The following CTDSPL variants were observed in gnomAD, a reference collection of about 807,000 sequenced individuals.
The protein encoded by CTDSPL is CTD small phosphatase like.
Under a neutral mutation model 30.5 loss-of-function variants are expected in CTDSPL, and 8 were observed. The ratio of observed to expected loss-of-function variants is 0.26; its 90% confidence interval spans 0.15 to 0.47. CTDSPL has a LOEUF of 0.47. Ranked by LOEUF, CTDSPL falls within the 20% of genes least tolerant of loss-of-function variation. CTDSPL has a pLI of 0.99. For synonymous variants in CTDSPL, 110 were observed against 137.9 expected (o/e 0.80, Z 1.42); for missense variants, 248 against 366.1 (o/e 0.68, Z 2.63).
intron 1 of CTDSPL, among the ~76,000 whole-genome samples, chr3:37,900,600 A>G (rs941052463): frequency 6.6e-6 from 1 of 152,210 alleles, no homozygotes; most frequent in African/African-American, 2.4e-5. Context: ...TAAGTCATCC[A>G]TAATATTGTT....
rs1187755878 is a variant in CTDSPL, at chr3:37,982,032, T to G, written c.*1165T>G. ...CACCACCTGTAACCCCTTCCTGGCATTGGCCACTGAAGGGTACAAAGGCAA... is the reference window on the plus strand; with the variant it reads ...CACCACCTGTAACCCCTTCCTGGCAGTGGCCACTGAAGGGTACAAAGGCAA... On this transcript the variant is annotated 3_prime_UTR_variant, in exon 8 of 8. Coordinates refer to ENST00000273179, the MANE Select transcript of CTDSPL (RefSeq NM_001008392.2). 2.6e-6 allele frequency: 1 copy of G among 391,330 alleles called. No individual in the cohort carries two copies. Among genetic ancestry groups the G allele is most frequent in the African/African-American group, 2.1e-5 (1 of 48,022 alleles). The allele number at this position is 391,330 out of a possible 1,614,324, so 24.2% of individuals were successfully genotyped here.
intron 2 of CTDSPL, chr3:37,954,789 G>A (rs1009214755): frequency 6.6e-6 from 1 of 152,292 alleles, no homozygotes; most frequent in African/African-American, 2.4e-5. Context: ...GCTGGGAGGA[G>A]TCAGCACCCC....
chr3:37,982,229 A>G lies in CTDSPL; in HGVS notation c.*1362A>G, dbSNP rs1699500515. 3.2e-6 allele frequency: 1 copy of G among 315,204 alleles called. No individual in the cohort carries two copies. Among genetic ancestry groups the G allele is most frequent in the Non-Finnish European group, 6.3e-6 (1 of 159,648 alleles). The allele number at this position is 315,204 out of a possible 1,614,324, so 19.5% of individuals were successfully genotyped here. A position where few individuals can be genotyped will look rare whatever the true frequency, so the allele number is the denominator to read the frequency against. ...GGTCTTCTCCTTTGAAGCACAGCCTATTTCTGAGCCAAGGGTTGGGGAAGC... is the reference window on the plus strand; with the variant it reads ...GGTCTTCTCCTTTGAAGCACAGCCTGTTTCTGAGCCAAGGGTTGGGGAAGC... On this transcript the variant is annotated 3_prime_UTR_variant, in exon 8 of 8. Coordinates refer to ENST00000273179, the MANE Select transcript of CTDSPL (RefSeq NM_001008392.2).
chr3:37,863,822 C>G (rs1438772961), intron 1 of CTDSPL, among the ~76,000 whole-genome samples: 1 of 152,218 alleles, frequency 6.6e-6, no homozygotes, highest in Admixed American at 6.5e-5. Flanking sequence ...AACCTGTTTG[C>G]AGTTTCGTAG....
rs74514170 is a variant in CTDSPL, at chr3:37,902,480, A to T, written c.79+40202A>T. On this transcript the variant is annotated intron_variant, in intron 1 of 7. Coordinates refer to ENST00000273179, the MANE Select transcript of CTDSPL (RefSeq NM_001008392.2). ...TTCCCAGCAGGCCTGTGGGCACCTCATTGTTCAGGATGTGCCAGGAGTCTT... is the reference window on the plus strand; with the variant it reads ...TTCCCAGCAGGCCTGTGGGCACCTCTTTGTTCAGGATGTGCCAGGAGTCTT... 8.5e-3 allele frequency among the ~76,000 whole-genome samples: 1,299 copies of T among 152,130 alleles called. 14 individuals carry two copies. Among genetic ancestry groups the T allele is most frequent in the Non-Finnish European group, 0.012 (818 of 67,966 alleles).
At chr3:37,934,163 A>G (rs913892232) in intron 1 of CTDSPL, among the ~76,000 whole-genome samples, 2 of 152,096 alleles carry the variant, frequency 1.3e-5, no homozygotes, top group Non-Finnish European at 2.9e-5. Flanking sequence ...CTCTACAAAA[A>G]AAAAATTCAA....
intron 1 of CTDSPL, among the ~76,000 whole-genome samples, chr3:37,908,406 A>G (rs1698542131): frequency 6.6e-6 from 1 of 152,048 alleles, no homozygotes. Flanking sequence ...TATCTCAATT[A>G]TTCTTTCCTA....
At chr3:37,873,598 G>C (rs143415466) in intron 1 of CTDSPL, among the ~76,000 whole-genome samples, 88 of 152,276 alleles carry the variant, frequency 5.8e-4, no homozygotes, top group African/African-American at 2.0e-3. Context: ...TGGCAAACAG[G>C]AAGACGTATG....
chr3:37,889,481 TA>T (rs557649882), intron 1 of CTDSPL, among the ~76,000 whole-genome samples: 147 of 151,358 alleles, frequency 9.7e-4, no homozygotes, highest in African/African-American at 3.4e-3. Flanking sequence ...AGACAGAAAA[TA>T]GGGGAGAAAC....
chr3:37,875,770 T>C (rs1175000238), intron 1 of CTDSPL, among the ~76,000 whole-genome samples: 2 of 152,228 alleles, frequency 1.3e-5, no homozygotes, highest in African/African-American at 4.8e-5. Flanking sequence ...GCTGAACATA[T>C]TCATTTTTGT....
Position 37,862,116 on chromosome 3 carries a change from C to A in CTDSPL, c.-84C>A. 2.0e-6 allele frequency: 1 copy of A among 501,376 alleles called. No homozygotes were observed. Among genetic ancestry groups the A allele is most frequent in the Non-Finnish European group, 2.5e-6 (1 of 393,528 alleles). 31.1% of individuals were successfully genotyped at this position (501,376 alleles called of 1,614,324 possible). Reference sequence around the variant, plus strand: ...CGGCTGCGAGCGCCCCCCCGCGCCGCGCCCCCGCGCCCCCCGCGCCGCGCC... The same window carrying A: ...CGGCTGCGAGCGCCCCCCCGCGCCGAGCCCCCGCGCCCCCCGCGCCGCGCC... On this transcript the variant is annotated 5_prime_UTR_variant, in exon 1 of 8. Coordinates refer to ENST00000273179, the MANE Select transcript of CTDSPL (RefSeq NM_001008392.2). The surrounding 1 kb of genome is among the most constrained non-coding windows in gnomAD (Gnocchi z 4.3).
In CTDSPL at chr3:37,971,516, A is replaced by G; in HGVS notation, c.519+17A>G. 6.2e-7 allele frequency: 1 copy of G among 1,609,422 alleles called. No homozygotes were observed. Among genetic ancestry groups the G allele is most frequent in the Non-Finnish European group, 8.5e-7 (1 of 1,176,258 alleles). On this transcript the variant is annotated intron_variant, in intron 6 of 7. Transcript: ENST00000273179. ...TTGGCCAAGGTGAGTCCTGCTTCCC[A>G]GCCCCACACTCCCAGCCTGGTACTC...
chr3:37,891,539 G>A (rs139225025), intron 1 of CTDSPL, among the ~76,000 whole-genome samples: 18 of 152,340 alleles, frequency 1.2e-4, no homozygotes, highest in East Asian at 7.7e-4. Context: ...TTAGAGTGCC[G>A]TTTTATAGTG....
intron 5 of CTDSPL, among the ~76,000 whole-genome samples, chr3:37,970,642 T>G (rs1373431605): frequency 1.3e-5 from 2 of 152,182 alleles, no homozygotes; most frequent in Non-Finnish European, 2.9e-5. Flanking sequence ...AACCTATGTA[T>G]GGTCTGAAGC....
Position 37,981,356 on chromosome 3 carries a change from A to G in CTDSPL, c.*489A>G, listed in dbSNP as rs1699489401. The G allele has an allele frequency of 6.2e-6, 1 of 162,216 alleles. No individual in the cohort carries two copies. Among genetic ancestry groups the G allele is most frequent in the Non-Finnish European group, 1.4e-5 (1 of 73,388 alleles). The allele number at this position is 162,216 out of a possible 1,614,324, so 10.0% of individuals were successfully genotyped here. On this transcript the variant is annotated 3_prime_UTR_variant, in exon 8 of 8. Coordinates refer to ENST00000273179, the MANE Select transcript of CTDSPL (RefSeq NM_001008392.2). Reference sequence around the variant, plus strand: ...TTAGTCTTTTATTGTCTTAGATACTATAAGAAGATGAACATGACAATTTTC... The same window carrying G: ...TTAGTCTTTTATTGTCTTAGATACTGTAAGAAGATGAACATGACAATTTTC...
At chr3:37,953,420 C>T (rs1218072381) in intron 2 of CTDSPL, among the ~76,000 whole-genome samples, 1 of 152,148 alleles carries the variant, frequency 6.6e-6, no homozygotes, top group Non-Finnish European at 1.5e-5. Context: ...TAAAGTAAGT[C>T]ACATGACTGC....
At chr3:37,916,315 G>T (rs1046918370) in intron 1 of CTDSPL, among the ~76,000 whole-genome samples, 2 of 151,918 alleles carry the variant, frequency 1.3e-5, no homozygotes, top group African/African-American at 4.8e-5. Flanking sequence ...TATTTCAGGT[G>T]TTTTTTTTAC....
chr3:37,925,382 C>T (rs1440871987), intron 1 of CTDSPL, among the ~76,000 whole-genome samples: 1 of 152,198 alleles, frequency 6.6e-6, no homozygotes, highest in Non-Finnish European at 1.5e-5. Context: ...CTGGGCTTGT[C>T]TTTCTCCTCT....
intron 1 of CTDSPL, among the ~76,000 whole-genome samples, chr3:37,938,749 C>T (rs1043583389): frequency 1.3e-5 from 2 of 148,246 alleles, no homozygotes; most frequent in Admixed American, 6.8e-5. Context: ...GGCGTGATCT[C>T]GGCTCACTGC....
Sources: allele counts gnomAD v4.1 joint callset (sites outside exome capture counted in the v4.1 genomes callset), GRCh38; gene constraint gnomAD v4.1.1; non-coding constraint Gnocchi (gnomAD v3.1); transcripts MANE v1.5; gene names NCBI Gene and HGNC (gene_info 2026-07-23, HGNC 2026-07-21).